Variants in MORC1 observed in about 807,000 individuals in gnomAD.
MORC1 encodes MORC family CW-type zinc finger 1.
In MORC1, 59 loss-of-function variants were observed where a neutral mutation model predicts 134.9. The ratio of observed to expected loss-of-function variants is 0.44; its 90% confidence interval spans 0.35 to 0.54. MORC1 has a LOEUF of 0.54. MORC1 is among the 20% of genes least tolerant of loss of function. MORC1 has a pLI of 0.00. For synonymous variants in MORC1, 395 were observed against 391.7 expected (o/e 1.01, Z -0.10); for missense variants, 947 against 1,134.5 (o/e 0.83, Z 2.37).
intron 22 of MORC1, among the ~76,000 whole-genome samples, chr3:108,986,251 A>G (rs1947890383): frequency 6.6e-6 from 1 of 152,220 alleles, no homozygotes; most frequent in East Asian, 1.9e-4. Flanking sequence ...AATGCATAAT[A>G]AAAATTACAG....
intron 24 of MORC1, among the ~76,000 whole-genome samples, chr3:108,971,810 G>A (rs1451155774): frequency 2.2e-5 from 3 of 138,850 alleles, no homozygotes; most frequent in African/African-American, 7.8e-5. Flanking sequence ...AAAGAGGAAG[G>A]AAGGAAGGAA....
chr3:108,979,453 G>A (rs1295475722), intron 24 of MORC1, 62 bp downstream of exon 24: 2 of 1,548,314 alleles, frequency 1.3e-6, no homozygotes, highest in African/African-American at 1.4e-5. Context: ...AAAACAACAG[G>A]AGTTGTCACT....
intron 17 of MORC1, among the ~76,000 whole-genome samples, chr3:109,011,516 T>C (rs1286898480): frequency 1.3e-5 from 2 of 150,858 alleles, no homozygotes; most frequent in African/African-American, 4.9e-5. Flanking sequence ...TTTTTGTGCT[T>C]TGTTTTTGTT....
intron 17 of MORC1, among the ~76,000 whole-genome samples, chr3:109,013,393 C>G (rs1948743468): frequency 6.6e-6 from 1 of 152,168 alleles, no homozygotes; most frequent in African/African-American, 2.4e-5. Context: ...ACAAGCCTAG[C>G]TTCTTTTCCT....
intron 16 of MORC1, among the ~76,000 whole-genome samples, chr3:109,029,356 G>A (rs1949179225): frequency 6.6e-6 from 1 of 152,180 alleles, no homozygotes; most frequent in African/African-American, 2.4e-5. Context: ...AAAAGAACCT[G>A]TGACAACATT....
chr3:109,023,322 G>A (rs1177942538), intron 17 of MORC1, among the ~76,000 whole-genome samples: 1 of 152,204 alleles, frequency 6.6e-6, no homozygotes, highest in Non-Finnish European at 1.5e-5. Context: ...GGCAACTAGT[G>A]TCAGATTATA....
chr3:108,992,249 C>T (rs1040591428), intron 21 of MORC1, among the ~76,000 whole-genome samples: 1 of 152,178 alleles, frequency 6.6e-6, no homozygotes, highest in Non-Finnish European at 1.5e-5. Flanking sequence ...TTACCATACA[C>T]ACTCTTGCTT....
chr3:109,081,425 A>T (rs1317696911), intron 8 of MORC1, among the ~76,000 whole-genome samples: 1 of 151,842 alleles, frequency 6.6e-6, no homozygotes. Flanking sequence ...AAATGAAAAA[A>T]TTCTTAGCAG....
At chr3:109,084,134 A>G (rs1184811185) in intron 8 of MORC1, among the ~76,000 whole-genome samples, 1 of 152,204 alleles carries the variant, frequency 6.6e-6, no homozygotes, top group Non-Finnish European at 1.5e-5. Flanking sequence ...ACTTTTATTC[A>G]TAATACTGAA....
At chr3:108,978,976 C>A (rs1947638366) in intron 24 of MORC1, among the ~76,000 whole-genome samples, 1 of 152,072 alleles carries the variant, frequency 6.6e-6, no homozygotes, top group South Asian at 2.1e-4. Context: ...TTTTAAGGCC[C>A]CCATCTATTA....
intron 2 of MORC1, 81 bp downstream of exon 2, chr3:109,114,303 T>C: frequency 1.6e-6 from 2 of 1,226,380 alleles, no homozygotes; most frequent in South Asian, 3.0e-5. Flanking sequence ...TATGACATGA[T>C]CTTTTTATCT....
chr3:108,993,903 T>A (rs1948130686), intron 21 of MORC1, among the ~76,000 whole-genome samples: 1 of 152,194 alleles, frequency 6.6e-6, no homozygotes, highest in Non-Finnish European at 1.5e-5. Flanking sequence ...TTTCATTTGT[T>A]TTGGCCACCA....
chr3:109,110,555 CT>C (rs1352585477), intron 3 of MORC1, among the ~76,000 whole-genome samples, 193 bp downstream of exon 3: 9 of 152,084 alleles, frequency 5.9e-5, no homozygotes, highest in African/African-American at 1.7e-4. Context: ...TAAATGGGTC[CT>C]TTAGCACACA....
intron 14 of MORC1, among the ~76,000 whole-genome samples, chr3:109,043,178 TGGCAAAATGTGGG>T (rs370675249): frequency 0.021 from 662 of 31,202 alleles, 20 homozygotes; most frequent in African/African-American, 0.038. Context: ...AAGCAAAATG[TGGCAAAATGTGGG>T]GGGGGGGGGG....
chr3:109,070,909 T>C (rs1340462716), intron 8 of MORC1, among the ~76,000 whole-genome samples: 2 of 152,102 alleles, frequency 1.3e-5, no homozygotes, highest in African/African-American at 2.4e-5. Context: ...CTTAAATAAG[T>C]CTTGAGCAGA....
At chr3:109,019,119 T>C (rs924073227) in intron 17 of MORC1, 7 of 152,216 alleles carry the variant, frequency 4.6e-5, no homozygotes, top group Admixed American at 2.6e-4. Flanking sequence ...ACAGTCTTAA[T>C]CTTCTTCTTT....
intron 25 of MORC1, among the ~76,000 whole-genome samples, chr3:108,970,046 G>C (rs1216974817): frequency 6.6e-6 from 1 of 152,142 alleles, no homozygotes; most frequent in Non-Finnish European, 1.5e-5. Context: ...GAGCGCAGCT[G>C]GAGTCTGGGT....
chr3:109,115,091 A>G (rs1951241590), intron 1 of MORC1, among the ~76,000 whole-genome samples: 1 of 152,238 alleles, frequency 6.6e-6, no homozygotes, highest in African/African-American at 2.4e-5. Context: ...GAATCACACT[A>G]GCTTAAGGCT....
chr3:108,971,294 ATCAT>A, intron 25 of MORC1, 32 bp downstream of exon 25: 1 of 1,573,082 alleles, frequency 6.4e-7, no homozygotes, highest in East Asian at 2.2e-5. Context: ...AGGCTATTCT[ATCAT>A]TCCCTCACAG....
Sources: gnomAD v4.1 joint callset for allele counts (sites outside exome capture counted in the v4.1 genomes callset) on GRCh38, gnomAD v4.1.1 for gene constraint, MANE v1.5 for transcripts, NCBI Gene and HGNC (gene_info 2026-07-23, HGNC 2026-07-21) for gene names.